Variants in PREX2 observed in about 807,000 individuals in gnomAD.
The protein encoded by PREX2 is phosphatidylinositol 3,4,5-trisphosphate-dependent Rac exchanger 2 protein.
Under a neutral mutation model 203.2 loss-of-function variants are expected in PREX2, and 107 were observed. That is an observed-to-expected ratio of 0.53 (90% confidence interval 0.45 to 0.62). The LOEUF (loss-of-function observed/expected upper bound fraction) is 0.62, where lower values mean the gene tolerates loss of function less well. PREX2 is among the 20% of genes least tolerant of loss of function. The pLI is 0.00. For synonymous variants in PREX2, 672 were observed against 663.6 expected (o/e 1.01, Z -0.19); for missense variants, 1,777 against 1,955.9 (o/e 0.91, Z 1.72).
chr8:68,132,197 C>A (rs950947902), intron 31 of PREX2, among the ~76,000 whole-genome samples: 2 of 152,078 alleles, frequency 1.3e-5, no homozygotes, highest in East Asian at 3.9e-4. Context: ...TTATTTTAAT[C>A]ATTGACTTAG....
chr8:68,221,994 A>G (rs1024921882), intron 38 of PREX2, among the ~76,000 whole-genome samples: 3 of 152,206 alleles, frequency 2.0e-5, no homozygotes, highest in Non-Finnish European at 2.9e-5. Flanking sequence ...AAAAGTTACA[A>G]ATAAGGAAAG....
At chr8:68,000,171 A>G (rs1455228739) in intron 1 of PREX2, among the ~76,000 whole-genome samples, 1 of 152,204 alleles carries the variant, frequency 6.6e-6, no homozygotes, top group Non-Finnish European at 1.5e-5. Flanking sequence ...CTATTTGCAG[A>G]TGACATGATC....
At chr8:68,070,895 A>G (rs1458391344) in intron 13 of PREX2, among the ~76,000 whole-genome samples, 1 of 152,136 alleles carries the variant, frequency 6.6e-6, no homozygotes, top group Non-Finnish European at 1.5e-5. Flanking sequence ...TGCCCTATTT[A>G]CTTTCACAAG....
chr8:68,048,916 T>C (rs910781978), intron 8 of PREX2, among the ~76,000 whole-genome samples: 1 of 151,962 alleles, frequency 6.6e-6, no homozygotes, highest in Non-Finnish European at 1.5e-5. Flanking sequence ...ACTGTAGTAT[T>C]GTTGCATAAG....
chr8:67,965,322 G>A (rs185843134), intron 1 of PREX2, among the ~76,000 whole-genome samples: 1 of 152,082 alleles, frequency 6.6e-6, no homozygotes, highest in African/African-American at 2.4e-5. Flanking sequence ...AAGTCCTCTG[G>A]GATCATTTTG....
chr8:68,030,683 G>C (rs1305207042), intron 6 of PREX2, 25 bp downstream of exon 6: 1 of 1,611,644 alleles, frequency 6.2e-7, no homozygotes, highest in East Asian at 2.2e-5. Flanking sequence ...CTTGACAATC[G>C]AGCTTAAGAT....
chr8:67,974,417 A>C (rs1359261243), intron 1 of PREX2, among the ~76,000 whole-genome samples: 1 of 151,838 alleles, frequency 6.6e-6, no homozygotes, highest in South Asian at 2.1e-4. Flanking sequence ...AAATTGATGA[A>C]CATTCTTCAT....
intron 37 of PREX2, among the ~76,000 whole-genome samples, chr8:68,214,856 C>T (rs1264470336): frequency 6.6e-6 from 1 of 152,170 alleles, no homozygotes; most frequent in East Asian, 1.9e-4. Context: ...ATATTTCCCA[C>T]CTTTATGTGA....
At position 68,044,472 on chromosome 8, in the gene PREX2, T is replaced by A; in HGVS notation, c.840-15T>A. 6.4e-7 allele frequency: 1 copy of A among 1,568,954 alleles called. No individual in the cohort carries two copies. Among genetic ancestry groups the A allele is most frequent in the South Asian group, 1.1e-5 (1 of 89,824 alleles). The stretch of plus-strand genomic sequence containing the variant: ...GTTTAGTAACAAAGTCTTTGTGATT[T>A]AATTCCATCTTAAGACGGTTGAAGA... On this transcript the variant is annotated splice_polypyrimidine_tract_variant and intron_variant, in intron 7 of 39. Coordinates refer to ENST00000288368, the MANE Select transcript of PREX2 (RefSeq NM_024870.4).
intron 18 of PREX2, among the ~76,000 whole-genome samples, chr8:68,086,368 A>G (rs961945861): frequency 6.6e-6 from 1 of 152,024 alleles, no homozygotes; most frequent in Admixed American, 6.6e-5. Context: ...GTTTTGCTCA[A>G]ACTCTCCCAC....
rs189027334 is a variant in PREX2, at chr8:68,114,176, A to G, written c.3147-1577A>G. The G allele has an allele frequency of 3.1e-3, 927 of 301,618 alleles. 5 individuals are homozygous for G. Among genetic ancestry groups the G allele is most frequent in the Non-Finnish European group, 4.6e-3 (659 of 143,016 alleles). The allele number at this position is 301,618 out of a possible 1,614,324, so 18.7% of individuals were successfully genotyped here. A position where few individuals can be genotyped will look rare whatever the true frequency, so the allele number is the denominator to read the frequency against. The stretch of plus-strand genomic sequence containing the variant: ...CGCGCCCGGCCCTTTTGTGTGTTTT[A>G]TAAACTACTATATCCACAGCACCAA... On this transcript the variant is annotated intron_variant, in intron 25 of 39. Coordinates refer to ENST00000288368, the MANE Select transcript of PREX2 (RefSeq NM_024870.4).
intron 25 of PREX2, among the ~76,000 whole-genome samples, chr8:68,115,103 C>T (rs766765857): frequency 4.1e-5 from 6 of 146,396 alleles, no homozygotes; most frequent in Non-Finnish European, 8.9e-5. Flanking sequence ...TCTCGGCTCA[C>T]CACAACCTCC....
At chr8:68,213,357 G>A (rs1382499048) in intron 37 of PREX2, among the ~76,000 whole-genome samples, 1 of 152,118 alleles carries the variant, frequency 6.6e-6, no homozygotes, top group Non-Finnish European at 1.5e-5. Context: ...CAGTGCTAAG[G>A]CCCCTCCCAG....
intron 35 of PREX2, among the ~76,000 whole-genome samples, chr8:68,159,048 A>G (rs192358334): frequency 1.3e-5 from 2 of 152,316 alleles, no homozygotes; most frequent in African/African-American, 4.8e-5. Flanking sequence ...TAAAATTTGA[A>G]TGCCAGAACA....
rs1181114227 is a variant in PREX2, at chr8:68,231,661, ATAAAGAAAAAAATAT to A, written c.*286_*300del. The A allele has an allele frequency of 3.1e-5, 9 of 294,000 alleles. No homozygotes were observed. Among genetic ancestry groups the A allele is most frequent in the Non-Finnish European group, 5.0e-5 (8 of 160,906 alleles). The allele number at this position is 294,000 out of a possible 1,614,324, so 18.2% of individuals were successfully genotyped here. A position where few individuals can be genotyped will look rare whatever the true frequency, so the allele number is the denominator to read the frequency against. On this transcript the variant is annotated 3_prime_UTR_variant, in exon 40 of 40. Transcript: ENST00000288368. ...TTAGAGTAAAATCCATCCCTGGGAC[ATAAAGAAAAAAATAT>A]TAGAGATTTAAAAATTAACCACCAT...
intron 35 of PREX2, among the ~76,000 whole-genome samples, chr8:68,167,162 G>A (rs962601280): frequency 6.6e-6 from 1 of 151,930 alleles, no homozygotes. Flanking sequence ...TTTAAGCCAC[G>A]ATTCACACTG....
At chr8:68,086,956 T>G (rs577117790) in intron 18 of PREX2, among the ~76,000 whole-genome samples, 2 of 152,332 alleles carry the variant, frequency 1.3e-5, no homozygotes, top group East Asian at 3.9e-4. Flanking sequence ...AGAAATGTAT[T>G]AACTCTGTAT....
At chr8:68,209,070 TAAAAAAAA>T (rs994362514) in intron 37 of PREX2, among the ~76,000 whole-genome samples, 5 of 115,096 alleles carry the variant, frequency 4.3e-5, no homozygotes, top group Admixed American at 1.8e-4. Flanking sequence ...TGGACTCATT[TAAAAAAAA>T]AAAAAAAAAA....
chr8:68,205,604 A>G (rs536742788), intron 37 of PREX2, among the ~76,000 whole-genome samples: 1 of 152,332 alleles, frequency 6.6e-6, no homozygotes, highest in Non-Finnish European at 1.5e-5. Flanking sequence ...TTCTTCCTCC[A>G]TGGAAGGTAA....
Sources: gnomAD v4.1 joint callset for allele counts (sites outside exome capture counted in the v4.1 genomes callset) on GRCh38, gnomAD v4.1.1 for gene constraint, MANE v1.5 for transcripts, NCBI Gene and HGNC (gene_info 2026-07-23, HGNC 2026-07-21) for gene names.